SNX14: variants seen among roughly 807,000 people sequenced by gnomAD.
SNX14 encodes sorting nexin-14.
A neutral mutation model predicts 133.8 loss-of-function variants in SNX14; 93 were observed. That is an observed-to-expected ratio of 0.70 (90% CI 0.59 to 0.83). SNX14 has a LOEUF of 0.83. Ranked by LOEUF, SNX14 falls within the 40% of genes least tolerant of loss-of-function variation. The probability of loss-of-function intolerance (pLI) is 0.00; values close to 1 mark genes in which losing one functional copy is unlikely to be tolerated. For missense variants in SNX14, 945 were observed against 1,094.9 expected (o/e 0.86, Z 1.93); for synonymous variants, 368 against 365.6 (o/e 1.01, Z -0.07).
chr6:85,570,119 T>C (rs1795081648), intron 4 of SNX14, among the ~76,000 whole-genome samples: 1 of 152,242 alleles, frequency 6.6e-6, no homozygotes, highest in Non-Finnish European at 1.5e-5. Context: ...AATTATATTG[T>C]GATTACCTGT....
intron 20 of SNX14, among the ~76,000 whole-genome samples, chr6:85,527,269 G>A (rs771210116): frequency 6.6e-6 from 1 of 151,952 alleles, no homozygotes; most frequent in African/African-American, 2.4e-5. Context: ...TTCAAATAAT[G>A]AGTTAATAGT....
intron 17 of SNX14, 89 bp downstream of exon 17, chr6:85,536,703 C>A: frequency 7.5e-7 from 1 of 1,331,704 alleles, no homozygotes; most frequent in South Asian, 1.6e-5. Flanking sequence ...ACAGATTCTC[C>A]AAAAAAAGGA....
intron 1 of SNX14, among the ~76,000 whole-genome samples, chr6:85,577,247 C>A (rs1045275157): frequency 5.3e-5 from 8 of 151,928 alleles, no homozygotes; most frequent in African/African-American, 1.7e-4. Context: ...AACCGCATCT[C>A]TACTAAAAAT....
At chr6:85,580,951 G>A (rs1040123490) in intron 1 of SNX14, among the ~76,000 whole-genome samples, 1 of 152,156 alleles carries the variant, frequency 6.6e-6, no homozygotes, top group Admixed American at 6.5e-5. Flanking sequence ...AAGGACACAA[G>A]CCTGGCTGGC....
chr6:85,583,715 G>T (rs891630115), intron 1 of SNX14, among the ~76,000 whole-genome samples: 2 of 152,086 alleles, frequency 1.3e-5, no homozygotes. Context: ...TCTTCAAAGA[G>T]AACTACAAAC....
intron 16 of SNX14, among the ~76,000 whole-genome samples, 160 bp downstream of exon 16, chr6:85,538,678 A>C (rs546053970): frequency 6.6e-6 from 1 of 152,324 alleles, no homozygotes; most frequent in Admixed American, 6.5e-5. Flanking sequence ...GTAGAATAAA[A>C]GTAGGTATTC....
chr6:85,506,320 ATT>A (rs61396032), intron 28 of SNX14, among the ~76,000 whole-genome samples: 24 of 145,598 alleles, frequency 1.6e-4, no homozygotes, highest in African/African-American at 3.7e-4. Context: ...TAACTTGAAA[ATT>A]TTTTTTTTTT....
intron 15 of SNX14, among the ~76,000 whole-genome samples, chr6:85,540,214 G>A (rs866018975): frequency 2.0e-5 from 3 of 152,102 alleles, no homozygotes; most frequent in Admixed American, 1.3e-4. Flanking sequence ...TGCCTGCCTC[G>A]GCCTCCCAAA....
At chr6:85,524,757 C>T (rs973646590) in intron 21 of SNX14, among the ~76,000 whole-genome samples, 1 of 149,542 alleles carries the variant, frequency 6.7e-6, no homozygotes, top group African/African-American at 2.5e-5. Flanking sequence ...GCACTCCAGC[C>T]TGGGTGACAG....
chr6:85,560,848 A>G (rs1791304741), intron 6 of SNX14, among the ~76,000 whole-genome samples: 2 of 151,896 alleles, frequency 1.3e-5, no homozygotes, highest in African/African-American at 4.8e-5. Context: ...AGGCTGGCCA[A>G]CATAGTGAAA....
Position 85,530,258 on chromosome 6 carries a change from G to T in SNX14, c.1828C>A (p.His610Asn). 6.3e-7 allele frequency: 1 copy of T among 1,599,116 alleles called. No individual in the cohort carries two copies. The highest frequency in any genetic ancestry group is 8.5e-7 in the Non-Finnish European group (1 of 1,172,956). ...DRRAVGHEPE[H>N]WSVYRRYLEF... ...AGATATCTTCTATAGACAGACCAAT[G>T]TTCAGGCTCGTGTCCAACTGTAAAT... Residue 610 changes from histidine to asparagine, a missense_variant, in exon 19 of 29, where the codon CAT becomes AAT. His to Asn is a moderately conservative substitution (Grantham distance 68). Around this residue, in one of 3 missense-constraint regions of SNX14, gnomAD observed 412 missense variants for 516.6 expected, o/e 0.80. Transcript: ENST00000314673.
At chr6:85,506,284 G>A (rs1016904652) in intron 28 of SNX14, among the ~76,000 whole-genome samples, 1 of 151,594 alleles carries the variant, frequency 6.6e-6, no homozygotes, top group Non-Finnish European at 1.5e-5. Flanking sequence ...CTGCCACTCT[G>A]TTTTAATATG....
chr6:85,547,170 A>G lies in SNX14; in HGVS notation c.1050T>C (p.Phe350=). Residue 350 remains phenylalanine, a synonymous_variant, in exon 12 of 29, where the codon TTT becomes TTC. Transcript: ENST00000314673. ...IREQQDLLFR[F]MNFLKQEGAV... is the part of the protein sequence containing the mutation. Reference sequence around the variant, plus strand: ...CGCCTTCTTGTTTCAGAAAGTTCATAAAACGAAATAAAAGATCTTGTTGCT... The same window carrying G: ...CGCCTTCTTGTTTCAGAAAGTTCATGAAACGAAATAAAAGATCTTGTTGCT... 1.2e-6 allele frequency: 2 copies of G among 1,614,070 alleles called. No individual in the cohort carries two copies. Among genetic ancestry groups the G allele is most frequent in the Non-Finnish European group, 1.7e-6 (2 of 1,179,952 alleles).
At chr6:85,563,993 T>C (rs1792829963) in intron 6 of SNX14, among the ~76,000 whole-genome samples, 1 of 152,108 alleles carries the variant, frequency 6.6e-6, no homozygotes, top group African/African-American at 2.4e-5. Context: ...CATTCTTCAA[T>C]TCCCACCTAT....
intron 6 of SNX14, chr6:85,561,143 G>A (rs1336483833): frequency 6.6e-6 from 1 of 152,122 alleles, no homozygotes; most frequent in Non-Finnish European, 1.5e-5. Flanking sequence ...AGACCAGCCT[G>A]GCCAACATGG....
chr6:85,549,626 A>G lies in SNX14; in HGVS notation c.791+97T>C, dbSNP rs1787036350. The stretch of plus-strand genomic sequence containing the variant: ...TCAAATGAAAAGCTATTCATAGGCT[A>G]ACCTCAAATTTTAGCATATGCCTAT... On this transcript the variant is annotated intron_variant, in intron 8 of 28. Coordinates refer to ENST00000314673, the MANE Select transcript of SNX14 (RefSeq NM_153816.6). The G allele has an allele frequency of 3.0e-6, 3 of 1,008,250 alleles. No individual in the cohort carries two copies. The East Asian group carries it at 8.9e-5, about 30-fold the overall frequency. 62.5% of individuals were successfully genotyped at this position (1,008,250 alleles called of 1,614,324 possible).
intron 21 of SNX14, among the ~76,000 whole-genome samples, chr6:85,518,874 A>G (rs1435908200): frequency 6.6e-6 from 1 of 152,086 alleles, no homozygotes; most frequent in African/African-American, 2.4e-5. Flanking sequence ...TCTGTCTTCT[A>G]TGTGTTCTTA....
chr6:85,560,301 A>G (rs913308771), intron 6 of SNX14, among the ~76,000 whole-genome samples: 1 of 152,210 alleles, frequency 6.6e-6, no homozygotes, highest in Middle Eastern at 3.2e-3. Flanking sequence ...TAGCCATAAA[A>G]AGAATGAAAT....
chr6:85,572,425 C>T, intron 2 of SNX14, 51 bp from the exon 3 acceptor site: 1 of 1,335,170 alleles, frequency 7.5e-7, no homozygotes, highest in Non-Finnish European at 1.0e-6. Flanking sequence ...TACATAACAT[C>T]TTTATTTAAA....
Sources: allele counts gnomAD v4.1 joint callset (sites outside exome capture counted in the v4.1 genomes callset), GRCh38; gene constraint gnomAD v4.1.1; regional missense constraint gnomAD v4.1.1; transcripts MANE v1.5; gene names NCBI Gene and HGNC (gene_info 2026-07-23, HGNC 2026-07-21).